The following SEPTIN4 variants were observed in gnomAD, a reference collection of about 807,000 sequenced individuals.
SEPTIN4 encodes septin 4.
Under a neutral mutation model 107.1 loss-of-function variants are expected in SEPTIN4, and 52 were observed. The ratio of observed to expected loss-of-function variants is 0.49; its 90% CI spans 0.39 to 0.61. The LOEUF is 0.61. Among genes scored for constraint, SEPTIN4 ranks in the 20% least tolerant of loss-of-function variants. SEPTIN4 has a pLI of 0.00. For synonymous variants in SEPTIN4, 417 were observed against 467.0 expected (o/e 0.89, Z 1.38); for missense variants, 1,048 against 1,243.5 (o/e 0.84, Z 2.36).
At chr17:58,527,399 A>G (rs971289562) in intron 3 of SEPTIN4, 2 of 360,542 alleles carry the variant, frequency 5.5e-6, no homozygotes, top group Non-Finnish European at 1.1e-5. Flanking sequence ...CATTAAACCC[A>G]AAAGGAGAGT....
chr17:58,526,363 C>G (rs1266252773), intron 4 of SEPTIN4, 50 bp from the exon 5 acceptor site: 2 of 1,460,346 alleles, frequency 1.4e-6, no homozygotes, highest in East Asian at 5.2e-5. Flanking sequence ...CAAAGGGGCC[C>G]CGGCACCCAG....
rs925378333 is a variant in SEPTIN4 at position 58,521,129 on chromosome 17, C to T, written c.2700G>A (p.Lys900=). ...GGGTACGTACCAGCATTGTCCTCAGCTTCACAAAGTCGCAGTGCCCTGGGT... is the reference window on the plus strand; with the variant it reads ...GGGTACGTACCAGCATTGTCCTCAGTTTCACAAAGTCGCAGTGCCCTGGGT... The part of the protein sequence containing the change: ...VENPGHCDFV[K]LRTMLVRTHM... Residue 900 remains lysine, a synonymous_variant, in exon 12 of 14, where the codon AAG becomes AAA. Coordinates refer to ENST00000672673, the MANE Select transcript of SEPTIN4 (RefSeq NM_001368771.2). This position sits in a 1 kb window ranked among gnomAD's most constrained non-coding sequence, Gnocchi z 6.4. The T allele has an allele frequency of 6.2e-7, 1 of 1,614,072 alleles. No homozygotes were observed. The highest frequency in any genetic ancestry group is 1.3e-5 in the African/African-American group (1 of 74,918).
At chr17:58,525,502 C>T (rs2042751326) in intron 6 of SEPTIN4, 193 bp downstream of exon 6, 1 of 620,784 alleles carries the variant, frequency 1.6e-6, no homozygotes, top group Non-Finnish European at 2.8e-6. Flanking sequence ...CTGGTCTCTG[C>T]CCTGCTTCAG....
Position 58,543,212 on chromosome 17 carries a change from G to A in SEPTIN4, c.975C>T (p.Ile325=). 6.2e-7 allele frequency: 1 copy of A among 1,614,100 alleles called. No homozygotes were observed. The highest frequency in any genetic ancestry group is 1.1e-5 in the South Asian group (1 of 91,072). The part of the protein sequence containing the change: ...SQVESNVRTP[I]RGNSEVGRRV... ...TGCGGCCAACCTCGCTGTTTCCTCG[G>A]ATTGGGGTCCTCACGTTGGACTCCA... Residue 325 remains isoleucine (I), a synonymous_variant, in exon 1 of 14, where the codon ATC becomes ATT. Transcript: ENST00000672673.
At chr17:58,532,135 T>A in intron 3 of SEPTIN4, 1 of 1,033,334 alleles carries the variant, frequency 9.7e-7, no homozygotes, top group Non-Finnish European at 1.2e-6. Flanking sequence ...GGGCGGGGCC[T>A]GTACCTCAGC....
chr17:58,543,200 G>T lies in SEPTIN4; in HGVS notation c.987C>A (p.Ser329Arg), dbSNP rs775109901. ...AGATGGTGACCCTGCGGCCAACCTC[G>T]CTGTTTCCTCGGATTGGGGTCCTCA... ...SNVRTPIRGN[S>R]EVGRRVTISP... The change falls in exon 1 of 14, where the codon AGC becomes AGA. Residue 329 changes from serine (S) to arginine (R), a missense_variant. Around this residue, in one of 2 missense-constraint regions of SEPTIN4, gnomAD observed 787 missense variants for 871.8 expected, o/e 0.90. Coordinates refer to ENST00000672673, the MANE Select transcript of SEPTIN4 (RefSeq NM_001368771.2). 1 of 1,614,104 alleles carries T rather than the reference G, an allele frequency of 6.2e-7. No homozygotes were observed. The highest frequency in any genetic ancestry group is 8.5e-7 in the Non-Finnish European group (1 of 1,180,008).
intron 3 of SEPTIN4, among the ~76,000 whole-genome samples, chr17:58,537,267 G>A (rs1272504533): frequency 1.3e-5 from 2 of 152,202 alleles, no homozygotes; most frequent in Non-Finnish European, 2.9e-5. Flanking sequence ...GCTTGTATTA[G>A]GTGACCACCT....
Position 58,521,002 on chromosome 17 carries a change from G to C in SEPTIN4, c.2827C>G (p.Arg943Gly). The change falls in exon 12 of 14, where the codon CGC becomes GGC. Residue 943 changes from arginine (R) to glycine (G), a missense_variant. Arg to Gly is a moderately radical substitution (Grantham distance 125). Coordinates refer to ENST00000672673, the MANE Select transcript of SEPTIN4 (RefSeq NM_001368771.2). The surrounding 1 kb of genome is among the most constrained non-coding windows in gnomAD (Gnocchi z 6.4). ...MTRLVVKERNRNKLTRESGTD... is the reference protein window; with the variant it reads ...MTRLVVKERNGNKLTRESGTD... Reference sequence around the variant, plus strand: ...TGTCCTGGCTTCTGGTCATACTTGCGATTCCGTTCCTTCACCACCAGGCGG... The same window carrying C: ...TGTCCTGGCTTCTGGTCATACTTGCCATTCCGTTCCTTCACCACCAGGCGG... 2 of 1,614,014 alleles carry C rather than the reference G, an allele frequency of 1.2e-6. No homozygotes were observed. The highest frequency in any genetic ancestry group is 1.7e-6 in the Non-Finnish European group (2 of 1,180,008).
At chr17:58,541,747 G>T (rs2043880330) in intron 2 of SEPTIN4, 175 bp downstream of exon 2, 1 of 1,540,314 alleles carries the variant, frequency 6.5e-7, no homozygotes, top group South Asian at 1.2e-5. Context: ...CCAAAGAAAT[G>T]ACTCTAATGG....
chr17:58,534,949 T>C (rs761834627), intron 3 of SEPTIN4, among the ~76,000 whole-genome samples: 5 of 152,240 alleles, frequency 3.3e-5, no homozygotes, highest in African/African-American at 4.8e-5. Context: ...CAGATCTGCA[T>C]GACTAGCAAT....
intron 7 of SEPTIN4, among the ~76,000 whole-genome samples, chr17:58,522,304 C>A (rs1740860939): frequency 6.6e-6 from 1 of 152,090 alleles, no homozygotes; most frequent in African/African-American, 2.4e-5. Context: ...AGACTGAGTA[C>A]TCAGGCAAGT....
At position 58,544,309 on chromosome 17, in the gene SEPTIN4, G is replaced by C. The variant is rs2043970738; in HGVS notation, c.-123C>G. ...TGCTGTTTCTTGGGCTCCCACAAAA[G>C]TGGCTGTTGTTCTAAGAGTGTCTCA... On this transcript the variant is annotated 5_prime_UTR_variant, in exon 1 of 14. Coordinates refer to ENST00000672673, the MANE Select transcript of SEPTIN4 (RefSeq NM_001368771.2). 2.2e-6 allele frequency: 3 copies of C among 1,347,418 alleles called. No homozygotes were observed. Among genetic ancestry groups the C allele is most frequent in the Non-Finnish European group, 3.0e-6 (3 of 994,722 alleles). 83.5% of individuals were successfully genotyped at this position (1,347,418 alleles called of 1,614,324 possible).
intron 4 of SEPTIN4, 94 bp from the exon 5 acceptor site, chr17:58,526,407 C>G (rs2042880105): frequency 5.1e-6 from 7 of 1,381,632 alleles, no homozygotes; most frequent in Non-Finnish European, 6.6e-6. Flanking sequence ...GCCTTTGCCC[C>G]AGCCTTAAAA....
chr17:58,537,045 C>T lies in SEPTIN4; in HGVS notation c.1614+3621G>A, dbSNP rs114179719. ...CCTTCTGAAAATACACCAAAAAGTC[C>T]ACAATGGATGTGGCAGATTCTTCCC... On this transcript the variant is annotated intron_variant, in intron 3 of 13. Transcript: ENST00000672673. Among the ~76,000 whole-genome samples the T allele has an allele frequency of 3.6e-3, 549 of 152,330 alleles. 3 individuals carry two copies. The highest frequency in any genetic ancestry group is 0.013 in the African/African-American group (521 of 41,556).
At position 58,521,868 on chromosome 17, in the gene SEPTIN4, C is replaced by A. The variant is rs752357611; in HGVS notation, c.2352-15G>T. ...ATGGCCGGAGCCTGGGGAACAGGAA[C>A]CTGTGACCACCTGCTAGTGGCAGCC... On this transcript the variant is annotated splice_polypyrimidine_tract_variant and intron_variant, in intron 8 of 13. Transcript: ENST00000672673. The surrounding 1 kb of genome is among the most constrained non-coding windows in gnomAD (Gnocchi z 6.4). 2.5e-6 allele frequency: 4 copies of A among 1,614,092 alleles called. No individual in the cohort carries two copies. Among genetic ancestry groups the A allele is most frequent in the Non-Finnish European group, 3.4e-6 (4 of 1,180,044 alleles).
chr17:58,532,179 G>T, intron 3 of SEPTIN4: 2 of 882,578 alleles, frequency 2.3e-6, no homozygotes, highest in Non-Finnish European at 2.8e-6. Context: ...GGGTCGGGGT[G>T]CCCAGCTGGG....
intron 7 of SEPTIN4, among the ~76,000 whole-genome samples, chr17:58,523,109 C>T (rs889651103): frequency 2.0e-5 from 3 of 152,092 alleles, no homozygotes; most frequent in African/African-American, 4.8e-5. Context: ...TGGTAGTTCA[C>T]GCCTGTAATC....
chr17:58,529,255 G>A, intron 3 of SEPTIN4: 1 of 1,612,028 alleles, frequency 6.2e-7, no homozygotes, highest in Non-Finnish European at 8.5e-7. Flanking sequence ...CACAGAAACA[G>A]CCTTGTTTTG....
chr17:58,541,071 T>C lies in SEPTIN4; in HGVS notation c.1607-398A>G, dbSNP rs142195476. 5.7e-3 allele frequency among the ~76,000 whole-genome samples: 874 copies of C among 152,312 alleles called. 5 individuals carry two copies. Among genetic ancestry groups the C allele is most frequent in the African/African-American group, 9.3e-3 (385 of 41,566 alleles). On this transcript the variant is annotated intron_variant, in intron 2 of 13. Coordinates refer to ENST00000672673, the MANE Select transcript of SEPTIN4 (RefSeq NM_001368771.2). ...AGTTCGTACTTTACTATGCCCCTAC[T>C]TTATAGAGCTTTGCTCCCTCTGAGG...
Sources: allele counts gnomAD v4.1 joint callset (sites outside exome capture counted in the v4.1 genomes callset), GRCh38; gene constraint gnomAD v4.1.1; regional missense constraint gnomAD v4.1.1; non-coding constraint Gnocchi (gnomAD v3.1); transcripts MANE v1.5; gene names NCBI Gene and HGNC (gene_info 2026-07-23, HGNC 2026-07-21).